The following KIF16B variants were observed in gnomAD, a reference collection of about 807,000 sequenced individuals.
The protein encoded by KIF16B is kinesin-like protein KIF16B.
KIF16B carries 98 observed loss-of-function variants against 156.3 expected under a neutral mutation model. That is an observed-to-expected ratio of 0.63 (90% CI 0.53 to 0.74). KIF16B has a LOEUF of 0.74. KIF16B is among the 30% of genes least tolerant of loss of function. The probability of loss-of-function intolerance (pLI) is 0.00; values close to 1 mark genes in which losing one functional copy is unlikely to be tolerated. For missense variants in KIF16B, 1,421 were observed against 1,606.5 expected (o/e 0.88, Z 1.97); for synonymous variants, 564 against 583.7 (o/e 0.97, Z 0.49).
At chr20:16,404,983 G>C (rs754247385) in intron 16 of KIF16B, 82 bp from the exon 17 acceptor site, 3 of 909,418 alleles carry the variant, frequency 3.3e-6, no homozygotes, top group Non-Finnish European at 5.3e-6. Context: ...TCCAACATGT[G>C]AGAGACAATG....
intron 1 of KIF16B, among the ~76,000 whole-genome samples, chr20:16,541,609 A>C (rs2147233687): frequency 6.6e-6 from 1 of 152,318 alleles, no homozygotes; most frequent in South Asian, 2.1e-4. Context: ...ATAAACCTAA[A>C]AAATTAGGCA....
chr20:16,497,097 A>G (rs1291345568), intron 11 of KIF16B, among the ~76,000 whole-genome samples: 1 of 152,134 alleles, frequency 6.6e-6, no homozygotes. Flanking sequence ...TTTAGCCCAT[A>G]ACAGCTCCAG....
Position 16,526,154 on chromosome 20 carries a change from T to C in KIF16B, c.169A>G (p.Thr57Ala). 6.2e-7 allele frequency: 1 copy of C among 1,610,864 alleles called. No individual in the cohort carries two copies. Among genetic ancestry groups the C allele is most frequent in the Non-Finnish European group, 8.5e-7 (1 of 1,178,504 alleles). The change falls in exon 3 of 26, where the codon ACC becomes GCC. Residue 57 changes from threonine to alanine, a missense_variant. Coordinates refer to ENST00000354981, the MANE Select transcript of KIF16B (RefSeq NM_024704.5). ...DSGRERTKTF[T>A]YDFSFYSADT... ...GCAGAATAAAAAGAAAAGTCATAGG[T>C]GAAGGTCTTGGTCCGTTCTCTTCCT...
intron 12 of KIF16B, among the ~76,000 whole-genome samples, chr20:16,467,091 A>C (rs1444724068): frequency 6.6e-6 from 1 of 152,196 alleles, no homozygotes; most frequent in East Asian, 1.9e-4. Context: ...ATTTTACCAG[A>C]GCCTAACCTG....
chr20:16,504,036 A>G (rs1470635463), intron 10 of KIF16B, among the ~76,000 whole-genome samples: 2 of 152,190 alleles, frequency 1.3e-5, no homozygotes, highest in Non-Finnish European at 2.9e-5. Context: ...CATGGGTGAA[A>G]TTTTAAATAC....
chr20:16,497,559 TTAAAA>T (rs1161651908), intron 11 of KIF16B, 49 bp downstream of exon 11: 11 of 1,421,050 alleles, frequency 7.7e-6, no homozygotes, highest in East Asian at 6.9e-5. Flanking sequence ...AAGCATGCAC[TTAAAA>T]TAATAGTAAA....
At chr20:16,375,203 G>A (rs1321212142) in intron 19 of KIF16B, among the ~76,000 whole-genome samples, 2 of 152,218 alleles carry the variant, frequency 1.3e-5, no homozygotes, top group Non-Finnish European at 2.9e-5. Flanking sequence ...AGTGAATTTG[G>A]CCCCAGGAAG....
At chr20:16,459,161 C>T (rs2067283571) in intron 12 of KIF16B, among the ~76,000 whole-genome samples, 1 of 152,132 alleles carries the variant, frequency 6.6e-6, no homozygotes, top group African/African-American at 2.4e-5. Flanking sequence ...TACATTCTGA[C>T]TTTTGAGAAT....
chr20:16,545,683 T>C (rs1332250745), intron 1 of KIF16B, among the ~76,000 whole-genome samples: 2 of 152,032 alleles, frequency 1.3e-5, no homozygotes, highest in African/African-American at 4.8e-5. Context: ...AACGTGGAAA[T>C]GTAAAAGAGG....
chr20:16,279,747 C>G (rs2063118511), intron 25 of KIF16B, among the ~76,000 whole-genome samples: 2 of 152,150 alleles, frequency 1.3e-5, no homozygotes, highest in South Asian at 4.1e-4. Context: ...TGCCCCAGAC[C>G]CTGATCTACA....
intron 15 of KIF16B, among the ~76,000 whole-genome samples, chr20:16,411,835 C>T (rs1342046869): frequency 6.6e-6 from 1 of 151,802 alleles, no homozygotes; most frequent in Non-Finnish European, 1.5e-5. Context: ...GCGACCCCAT[C>T]ACATGAGGTT....
chr20:16,290,237 A>G (rs1372057830), intron 25 of KIF16B, among the ~76,000 whole-genome samples: 1 of 152,222 alleles, frequency 6.6e-6, no homozygotes, highest in Non-Finnish European at 1.5e-5. Context: ...ATCAGGACCT[A>G]AAAGACTCGG....
At chr20:16,514,216 A>C (rs1410813179) in intron 4 of KIF16B, among the ~76,000 whole-genome samples, 1 of 152,004 alleles carries the variant, frequency 6.6e-6, no homozygotes, top group Non-Finnish European at 1.5e-5. Flanking sequence ...TTTTTTCCAA[A>C]GGCACAGTAG....
intron 12 of KIF16B, among the ~76,000 whole-genome samples, chr20:16,464,553 C>T (rs1205720398): frequency 6.6e-6 from 1 of 152,086 alleles, no homozygotes. Flanking sequence ...TGAAAACAAA[C>T]ATCAAACTTG....
chr20:16,369,442 C>T (rs549785547), intron 22 of KIF16B, among the ~76,000 whole-genome samples: 39 of 140,734 alleles, frequency 2.8e-4, no homozygotes, highest in Non-Finnish European at 5.3e-4. Flanking sequence ...CTGATTCATA[C>T]ATAGAACATC....
chr20:16,453,045 C>T (rs542493301), intron 12 of KIF16B, among the ~76,000 whole-genome samples: 1 of 151,232 alleles, frequency 6.6e-6, no homozygotes, highest in Non-Finnish European at 1.5e-5. Context: ...TCTAAATAGA[C>T]CAAGTTCCAA....
chr20:16,542,531 G>C (rs968637355), intron 1 of KIF16B, among the ~76,000 whole-genome samples: 1 of 152,210 alleles, frequency 6.6e-6, no homozygotes, highest in Non-Finnish European at 1.5e-5. Flanking sequence ...GCAAAGGAAG[G>C]CAAGCAGCCA....
intron 12 of KIF16B, among the ~76,000 whole-genome samples, chr20:16,432,430 C>G (rs563595257): frequency 6.6e-6 from 1 of 152,148 alleles, no homozygotes; most frequent in Non-Finnish European, 1.5e-5. Context: ...AACTCCAACA[C>G]CCAACACAGC....
intron 2 of KIF16B, among the ~76,000 whole-genome samples, 178 bp downstream of exon 2, chr20:16,528,193 C>T (rs1372330049): frequency 3.3e-5 from 5 of 152,210 alleles, no homozygotes; most frequent in South Asian, 2.1e-4. Context: ...GGAAAGGAAA[C>T]GGGATCAACT....
Sources: allele counts gnomAD v4.1 joint callset (sites outside exome capture counted in the v4.1 genomes callset), GRCh38; gene constraint gnomAD v4.1.1; transcripts MANE v1.5; gene names NCBI Gene and HGNC (gene_info 2026-07-23, HGNC 2026-07-21).